The following DPH6 variants were observed in gnomAD, a reference collection of about 807,000 sequenced individuals.
DPH6 encodes the protein diphthamine biosynthesis 6.
A neutral mutation model predicts 38.2 loss-of-function variants in DPH6; 33 were observed. The ratio of observed to expected loss-of-function variants is 0.86; its 90% CI spans 0.65 to 1.15. The LOEUF (loss-of-function observed/expected upper bound fraction) is 1.15. Ranked by LOEUF, DPH6 falls within the 50% of genes most tolerant of loss-of-function variation. The pLI is 0.00. For missense variants in DPH6, 325 were observed against 320.0 expected (o/e 1.02, Z -0.12); for synonymous variants, 108 against 103.0 (o/e 1.05, Z -0.30).
chr15:35,406,591 GAT>G (rs368094323), intron 6 of DPH6, among the ~76,000 whole-genome samples: 13 of 152,086 alleles, frequency 8.5e-5, no homozygotes, highest in African/African-American at 3.1e-4. Context: ...GAAATAGTAA[GAT>G]ATTAAGAAGG....
At chr15:35,437,697 G>A (rs1485967383) in intron 5 of DPH6, among the ~76,000 whole-genome samples, 1 of 152,222 alleles carries the variant, frequency 6.6e-6, no homozygotes, top group Non-Finnish European at 1.5e-5. Flanking sequence ...ACCTTAGGAT[G>A]AGATACAGGC....
the DPH6 span, among the ~76,000 whole-genome samples, chr15:35,159,468 A>G: frequency 6.6e-6 from 1 of 152,050 alleles, no homozygotes; most frequent in African/African-American, 2.4e-5. Context: ...GCTCATTATC[A>G]CTAACCATCA....
intron 3 of DPH6, among the ~76,000 whole-genome samples, chr15:35,232,579 TCAAAAA>T (rs78498163): frequency 3.0e-3 from 451 of 151,796 alleles, no homozygotes; most frequent in Non-Finnish European, 5.0e-3. Context: ...ATACTCCGTG[TCAAAAA>T]CAAAAACAAA....
intron 3 of DPH6, among the ~76,000 whole-genome samples, chr15:35,357,289 C>G (rs2052570403): frequency 6.6e-6 from 1 of 152,256 alleles, no homozygotes; most frequent in African/African-American, 2.4e-5. Context: ...CACCCACTGT[C>G]TTGCACCACT....
intron 3 of DPH6, among the ~76,000 whole-genome samples, chr15:35,337,713 T>G (rs181860769): frequency 2.0e-5 from 3 of 152,184 alleles, no homozygotes; most frequent in African/African-American, 7.2e-5. Flanking sequence ...AAAAAGAGCC[T>G]GCATCGCCAA....
chr15:35,504,156 A>G (rs546650460), intron 3 of DPH6, among the ~76,000 whole-genome samples: 1 of 152,054 alleles, frequency 6.6e-6, no homozygotes, highest in East Asian at 1.9e-4. Context: ...CTTTACTTTC[A>G]AACCTTCAAA....
intron 3 of DPH6, among the ~76,000 whole-genome samples, chr15:35,492,114 G>A (rs1319259481): frequency 1.3e-5 from 2 of 150,656 alleles, no homozygotes; most frequent in Admixed American, 6.6e-5. Context: ...CTCAATGCCT[G>A]AGAATTAGGA....
chr15:35,350,546 T>C (rs916616927), intron 3 of DPH6, among the ~76,000 whole-genome samples: 2 of 152,158 alleles, frequency 1.3e-5, no homozygotes, highest in Non-Finnish European at 2.9e-5. Context: ...TGACATCTTT[T>C]CTCTTTTTAA....
At chr15:35,213,473 A>G (rs2051396931), downstream of DPH6, among the ~76,000 whole-genome samples, 1 of 152,198 alleles carries the variant, frequency 6.6e-6, no homozygotes, top group African/African-American at 2.4e-5. Context: ...CTCTTCATAC[A>G]TATTAATCTT....
chr15:35,353,751 T>C (rs1437354308), intron 3 of DPH6, among the ~76,000 whole-genome samples: 1 of 152,214 alleles, frequency 6.6e-6, no homozygotes, highest in African/African-American at 2.4e-5. Context: ...TAGGATTGAC[T>C]TGGTGATGCA....
chr15:35,194,244 T>C, the DPH6 span, among the ~76,000 whole-genome samples: 1 of 152,144 alleles, frequency 6.6e-6, no homozygotes, highest in Non-Finnish European at 1.5e-5. Context: ...GGAAAGAGCC[T>C]GGGGTTTCCT....
chr15:35,309,184 T>C (rs2052119491), intron 3 of DPH6, among the ~76,000 whole-genome samples: 1 of 152,194 alleles, frequency 6.6e-6, no homozygotes. Flanking sequence ...AAAAGATTCA[T>C]TCCATTCTAG....
At chr15:35,475,670 T>C (rs773906593) in intron 3 of DPH6, among the ~76,000 whole-genome samples, 25 of 151,984 alleles carry the variant, frequency 1.6e-4, no homozygotes, top group Non-Finnish European at 3.5e-4. Context: ...AAATATTTCC[T>C]ATTCTGATAG....
At chr15:35,182,667 C>G in the DPH6 span, among the ~76,000 whole-genome samples, 1 of 152,132 alleles carries the variant, frequency 6.6e-6, no homozygotes, top group Non-Finnish European at 1.5e-5. Context: ...GAGCAAACTT[C>G]TATGGCTATA....
In DPH6 at chr15:35,318,900, A is replaced by C. The variant is rs796523382; in HGVS notation, n.200+54621T>G. Reference sequence around the variant, plus strand: ...TTGTAATCAAGGTCTTGCATTTTAAAGCTGTCAATATACACACAAGATCAC... The same window carrying C: ...TTGTAATCAAGGTCTTGCATTTTAACGCTGTCAATATACACACAAGATCAC... On this transcript the variant is annotated intron_variant and non_coding_transcript_variant, in intron 3 of 3. Coordinates refer to the DPH6 transcript ENST00000560386. Among the ~76,000 whole-genome samples the C allele has an allele frequency of 5.9e-5, 9 of 152,308 alleles. 1 individual carries two copies. The highest frequency in any genetic ancestry group is 2.2e-4 in the African/African-American group (9 of 41,580).
chr15:35,167,175 A>C, the DPH6 span, among the ~76,000 whole-genome samples: 5 of 152,174 alleles, frequency 3.3e-5, no homozygotes, highest in South Asian at 1.0e-3. Flanking sequence ...AATGTGATAA[A>C]GAGTGAAAAC....
At chr15:35,356,383 T>C (rs966473437) in intron 3 of DPH6, among the ~76,000 whole-genome samples, 1 of 152,244 alleles carries the variant, frequency 6.6e-6, no homozygotes, top group South Asian at 2.1e-4. Flanking sequence ...TTCCAGTTTT[T>C]CTCCTCTGGT....
At chr15:35,435,363 G>A (rs771852104) in intron 5 of DPH6, among the ~76,000 whole-genome samples, 9 of 152,244 alleles carry the variant, frequency 5.9e-5, no homozygotes, top group Admixed American at 2.0e-4. Context: ...ACAACTGTTC[G>A]AATGGCTTCA....
chr15:35,222,544 G>A (rs924973105), intron 3 of DPH6, among the ~76,000 whole-genome samples: 2 of 151,994 alleles, frequency 1.3e-5, no homozygotes, highest in African/African-American at 4.8e-5. Flanking sequence ...TGAAGGGGGG[G>A]GTTTCAGGTC....
Sources: gnomAD v4.1 joint callset for allele counts (sites outside exome capture counted in the v4.1 genomes callset) on GRCh38, gnomAD v4.1.1 for gene constraint, MANE v1.5 for transcripts, NCBI Gene and HGNC (gene_info 2026-07-23, HGNC 2026-07-21) for gene names.